The following SUFU variants were observed in gnomAD, a reference collection of about 807,000 sequenced individuals.
The protein encoded by SUFU is suppressor of fused homolog.
Under a neutral mutation model 58.9 loss-of-function variants are expected in SUFU, and 7 were observed. The ratio of observed to expected loss-of-function variants is 0.12; its 90% confidence interval spans 0.07 to 0.22. The LOEUF is 0.22. Among genes scored for constraint, SUFU ranks in the 10% least tolerant of loss-of-function variants. The pLI, the probability that SUFU is intolerant of heterozygous loss-of-function variation, is 1.00. For synonymous variants in SUFU, 232 were observed against 254.8 expected (o/e 0.91, Z 0.85); for missense variants, 451 against 641.3 (o/e 0.70, Z 3.20).
chr10:102,611,955 A>G (rs572330716), intron 8 of SUFU, among the ~76,000 whole-genome samples: 12 of 152,120 alleles, frequency 7.9e-5, no homozygotes, highest in Admixed American at 2.6e-4. Context: ...CTTCCCCTCC[A>G]CTGGGAACTC....
intron 3 of SUFU, among the ~76,000 whole-genome samples, chr10:102,587,416 G>A (rs957495689): frequency 6.6e-6 from 1 of 152,086 alleles, no homozygotes; most frequent in African/African-American, 2.4e-5. Context: ...ACCCTAATGG[G>A]TATAAAGTGA....
At chr10:102,533,505 C>T (rs1465249509) in intron 2 of SUFU, among the ~76,000 whole-genome samples, 1 of 151,992 alleles carries the variant, frequency 6.6e-6, no homozygotes, top group African/African-American at 2.4e-5. Context: ...GCCCAAGAGG[C>T]TGAGGCAACA....
intron 3 of SUFU, among the ~76,000 whole-genome samples, chr10:102,561,235 T>C (rs2063034478): frequency 6.6e-6 from 1 of 152,234 alleles, no homozygotes; most frequent in Non-Finnish European, 1.5e-5. Context: ...TAACCATTGC[T>C]AAAGGATTTT....
intron 3 of SUFU, among the ~76,000 whole-genome samples, chr10:102,585,548 C>A (rs2063327377): frequency 6.6e-6 from 1 of 152,120 alleles, no homozygotes. Flanking sequence ...ACTCTGTCAT[C>A]CAGGCTGGAA....
intron 3 of SUFU, among the ~76,000 whole-genome samples, chr10:102,567,044 C>T (rs1350814791): frequency 1.0e-5 from 1 of 96,702 alleles, no homozygotes; most frequent in Non-Finnish European, 1.9e-5. Context: ...CAGAGTCTCG[C>T]TGTGTTGCTC....
chr10:102,611,679 C>T (rs2063624859), intron 8 of SUFU, among the ~76,000 whole-genome samples: 1 of 152,252 alleles, frequency 6.6e-6, no homozygotes, highest in African/African-American at 2.4e-5. Flanking sequence ...ATTGTGAGCA[C>T]CTACTACATC....
chr10:102,588,405 A>AG (rs1322018365), intron 3 of SUFU, among the ~76,000 whole-genome samples: 2 of 151,898 alleles, frequency 1.3e-5, no homozygotes, highest in Non-Finnish European at 2.9e-5. Flanking sequence ...AAAAAAAAAA[A>AG]AAAGAAAAGT....
intron 3 of SUFU, among the ~76,000 whole-genome samples, chr10:102,580,027 G>GCCCCCCCCCC (rs1378925159): frequency 1.2e-4 from 5 of 41,950 alleles, no homozygotes; most frequent in Non-Finnish European, 9.7e-5. Flanking sequence ...CTCCTCCCCC[G>GCCCCCCCCCC]CACCCCCCCC....
At chr10:102,588,595 T>C (rs2063361122) in intron 3 of SUFU, among the ~76,000 whole-genome samples, 1 of 152,184 alleles carries the variant, frequency 6.6e-6, no homozygotes, top group Non-Finnish European at 1.5e-5. Flanking sequence ...ATGTTTTGGC[T>C]ATTCTGGGTG....
At chr10:102,521,819 A>G (rs759070124) in intron 2 of SUFU, among the ~76,000 whole-genome samples, 2 of 152,160 alleles carry the variant, frequency 1.3e-5, no homozygotes, top group Non-Finnish European at 2.9e-5. Flanking sequence ...TTGTTATCCA[A>G]TGTCTTAGTT....
At position 102,631,713 on chromosome 10, in the gene SUFU, G is replaced by A. The variant is rs1311650201; in HGVS notation, c.*1558G>A. On this transcript the variant is annotated 3_prime_UTR_variant, in exon 12 of 12. Coordinates refer to ENST00000369902, the MANE Select transcript of SUFU (RefSeq NM_016169.4). Reference sequence around the variant, plus strand: ...AAAGAGCTGCCCCCAGGGGTATGAGGGCACCAGCTGGGTTCTCCAGGGAGC... The same window carrying A: ...AAAGAGCTGCCCCCAGGGGTATGAGAGCACCAGCTGGGTTCTCCAGGGAGC... 2 of 233,334 alleles carry A rather than the reference G, an allele frequency of 8.6e-6. No individual in the cohort carries two copies. Among genetic ancestry groups the A allele is most frequent in the Non-Finnish European group, 1.7e-5 (2 of 118,204 alleles). 14.5% of individuals were successfully genotyped at this position (233,334 alleles called of 1,614,324 possible). A position where few individuals can be genotyped will look rare whatever the true frequency, so the allele number is the denominator to read the frequency against.
At chr10:102,503,912 A>G (rs2062281751), upstream of SUFU, 1 of 493,220 alleles carries the variant, frequency 2.0e-6, no homozygotes, top group African/African-American at 2.1e-5. Context: ...GGGTGCTTGG[A>G]TAGGGTGCGC....
intron 3 of SUFU, among the ~76,000 whole-genome samples, chr10:102,568,897 AATATATATATATATATATATATACAC>A (rs2063125713): frequency 1.2e-4 from 2 of 17,038 alleles, no homozygotes; most frequent in East Asian, 1.2e-3. Context: ...AAAAAAAAAA[AATATATATATATATATATATATACAC>A]ATATATATAT....
chr10:102,594,269 G>A (rs981221751), intron 6 of SUFU, among the ~76,000 whole-genome samples: 2 of 152,204 alleles, frequency 1.3e-5, no homozygotes, highest in African/African-American at 4.8e-5. Flanking sequence ...TCAGACATAT[G>A]TATTTTGGCA....
chr10:102,619,120 T>C lies in SUFU; in HGVS notation c.1296+1692T>C, dbSNP rs772364585. The C allele has an allele frequency of 6.2e-6, 10 of 1,612,584 alleles. No individual in the cohort carries two copies. In the Admixed American group the frequency reaches 8.3e-5, roughly 13 times the overall value. ...CCCGTCCTGGAACGTCTTTCTGCCC[T>C]GAGGAGAGGGTAGTCAGCATCTCCA... On this transcript the variant is annotated intron_variant, in intron 10 of 11. Transcript: ENST00000369902. The surrounding 1 kb of genome is among the most constrained non-coding windows in gnomAD (Gnocchi z 4.2).
intron 3 of SUFU, among the ~76,000 whole-genome samples, chr10:102,580,760 C>T (rs573151105): frequency 6.6e-5 from 10 of 152,204 alleles, no homozygotes; most frequent in South Asian, 2.1e-4. Context: ...TAGCATTGTG[C>T]GGGTGTGCTA....
chr10:102,552,992 C>A (rs149575156), intron 3 of SUFU, among the ~76,000 whole-genome samples: 11 of 152,206 alleles, frequency 7.2e-5, no homozygotes, highest in Admixed American at 7.2e-4. Flanking sequence ...TGCTCTGAGG[C>A]CCTTTCTGTA....
At chr10:102,537,058 G>A (rs1309775739) in intron 2 of SUFU, among the ~76,000 whole-genome samples, 26 of 151,818 alleles carry the variant, frequency 1.7e-4, no homozygotes, top group Admixed American at 1.6e-3. Flanking sequence ...TGATCTGCCC[G>A]CGTTGGTCTC....
At chr10:102,568,935 T>TACACAC (rs1190947068) in intron 3 of SUFU, among the ~76,000 whole-genome samples, 8 of 34,902 alleles carry the variant, frequency 2.3e-4, no homozygotes, top group Middle Eastern at 0.023. Context: ...TATATATATA[T>TACACAC]ATATATATAT....
Sources: gnomAD v4.1 joint callset for allele counts (sites outside exome capture counted in the v4.1 genomes callset) on GRCh38, gnomAD v4.1.1 for gene constraint, Gnocchi (gnomAD v3.1) non-coding constraint, MANE v1.5 for transcripts, NCBI Gene and HGNC (gene_info 2026-07-23, HGNC 2026-07-21) for gene names.